The following NKIRAS1 variants were observed in gnomAD, a reference collection of about 807,000 sequenced individuals.
NKIRAS1 encodes the protein NF-kappa-B inhibitor-interacting Ras-like protein 1.
A neutral mutation model predicts 19.8 loss-of-function variants in NKIRAS1; 16 were observed. That is an observed-to-expected ratio of 0.81 (90% CI 0.55 to 1.23). NKIRAS1 has a LOEUF of 1.23. Ranked by LOEUF, NKIRAS1 falls within the 50% of genes most tolerant of loss-of-function variation. NKIRAS1 has a pLI of 0.00. For missense variants in NKIRAS1, 184 were observed against 220.0 expected (o/e 0.84, Z 1.04); for synonymous variants, 88 against 79.0 (o/e 1.11, Z -0.61).
chr3:23,937,953 T>G (rs1224905264), intron 1 of NKIRAS1, among the ~76,000 whole-genome samples: 2 of 152,146 alleles, frequency 1.3e-5, no homozygotes, highest in African/African-American at 4.8e-5. Context: ...TAGATATTAT[T>G]AAGACAATAA....
At chr3:23,901,138 G>T in intron 3 of NKIRAS1, 89 bp from the exon 4 acceptor site, 42 of 1,346,762 alleles carry the variant, frequency 3.1e-5, no homozygotes, top group Middle Eastern at 1.9e-4. Context: ...GGCTTTCTAG[G>T]TTTCTTATTT....
At chr3:23,935,100 G>A (rs1705370897) in intron 1 of NKIRAS1, among the ~76,000 whole-genome samples, 1 of 151,828 alleles carries the variant, frequency 6.6e-6, no homozygotes. Flanking sequence ...TGCCCAGGCT[G>A]GTCTCAAACT....
intron 1 of NKIRAS1, among the ~76,000 whole-genome samples, chr3:23,931,732 G>A (rs760267760): frequency 0.055 from 1,238 of 22,576 alleles, 13 homozygotes; most frequent in Middle Eastern, 0.19. Flanking sequence ...GAGAGAGAGA[G>A]AGAGAAAGAA....
intron 1 of NKIRAS1, among the ~76,000 whole-genome samples, chr3:23,915,013 G>A (rs1485703792): frequency 1.3e-5 from 2 of 152,204 alleles, no homozygotes; most frequent in African/African-American, 4.8e-5. Context: ...GAGGCACCAT[G>A]TTCTCTCACC....
At chr3:23,900,711 A>T in intron 4 of NKIRAS1, 97 bp downstream of exon 4, 1 of 879,614 alleles carries the variant, frequency 1.1e-6, no homozygotes, top group South Asian at 1.6e-5. Flanking sequence ...TACTAAGAAT[A>T]TACTGTAATG....
At chr3:23,940,423 G>C (rs578031936) in intron 1 of NKIRAS1, among the ~76,000 whole-genome samples, 3 of 151,830 alleles carry the variant, frequency 2.0e-5, no homozygotes, top group Non-Finnish European at 4.4e-5. Flanking sequence ...TGGTTGGGCT[G>C]TATTTAACTT....
chr3:23,943,240 T>G lies in NKIRAS1; in HGVS notation c.-140+3083A>C, dbSNP rs567369630. 1.6e-4 allele frequency among the ~76,000 whole-genome samples: 25 copies of G among 152,290 alleles called. No homozygotes were observed. The South Asian group carries it at 2.3e-3, about 14-fold the overall frequency. ...TACTGTCTCCAGTTTTGCCTTTTCT[T>G]CCTTTTTTTGAGACAGAGTTTTGCT... On this transcript the variant is annotated intron_variant, in intron 1 of 4. Coordinates refer to the NKIRAS1 transcript ENST00000421515.
At chr3:23,937,532 G>T in intron 1 of NKIRAS1, among the ~76,000 whole-genome samples, 1 of 150,756 alleles carries the variant, frequency 6.6e-6, no homozygotes, top group Non-Finnish European at 1.5e-5. Flanking sequence ...ATGCCCTGTT[G>T]TTAGGGCAAG....
At chr3:23,921,699 C>A, upstream of NKIRAS1, 1 of 657,294 alleles carries the variant, frequency 1.5e-6, no homozygotes, top group South Asian at 1.7e-5. Context: ...CTCGGCCTCC[C>A]AAATAGCCAG....
At chr3:23,946,247 T>C in intron 1 of NKIRAS1, 3 of 985,386 alleles carry the variant, frequency 3.0e-6, no homozygotes, top group Non-Finnish European at 3.6e-6. Flanking sequence ...CACGCTCTTT[T>C]CGCGAGGTGA....
chr3:23,943,156 T>C (rs1705539146), intron 1 of NKIRAS1, among the ~76,000 whole-genome samples: 1 of 152,226 alleles, frequency 6.6e-6, no homozygotes, highest in African/African-American at 2.4e-5. Context: ...GCCCTAAAAA[T>C]CCTCTGTGCT....
At chr3:23,938,199 A>T (rs1705430874) in intron 1 of NKIRAS1, among the ~76,000 whole-genome samples, 1 of 143,322 alleles carries the variant, frequency 7.0e-6, no homozygotes, top group South Asian at 2.2e-4. Context: ...CTCATTGAGA[A>T]GTACAGTACC....
chr3:23,908,530 G>A (rs1322239412), intron 3 of NKIRAS1, among the ~76,000 whole-genome samples: 2 of 151,952 alleles, frequency 1.3e-5, no homozygotes, highest in Non-Finnish European at 2.9e-5. Context: ...CTATTAAGCT[G>A]GACATCAGAA....
chr3:23,893,412 G>C (rs889751634), intron 4 of NKIRAS1, 75 bp from the exon 5 acceptor site: 54 of 1,364,816 alleles, frequency 4.0e-5, no homozygotes, highest in Admixed American at 6.5e-5. Context: ...GGAGACATAA[G>C]GAAAATTGTT....
chr3:23,946,130 C>G, intron 1 of NKIRAS1: 2 of 985,094 alleles, frequency 2.0e-6, no homozygotes, highest in Non-Finnish European at 2.4e-6. Flanking sequence ...TCCCTCCTCC[C>G]CCGCGGGGTT....
intron 4 of NKIRAS1, 41 bp downstream of exon 4, chr3:23,900,767 T>A: frequency 6.6e-7 from 1 of 1,515,094 alleles, no homozygotes; most frequent in East Asian, 2.3e-5. Flanking sequence ...ATTTAAATGG[T>A]ATTATAATTC....
chr3:23,942,968 C>T (rs867349317), intron 1 of NKIRAS1, among the ~76,000 whole-genome samples: 4 of 152,030 alleles, frequency 2.6e-5, no homozygotes, highest in Admixed American at 2.0e-4. Context: ...GGCTAGTCTC[C>T]GATTCTCCAA....
chr3:23,921,570 G>GTTGTTTTTTTTT, upstream of NKIRAS1: 13 of 508,318 alleles, frequency 2.6e-5, 3 homozygotes, highest in Admixed American at 1.3e-4. Flanking sequence ...TGATTATTGA[G>GTTGTTTTTTTTT]TTTTTTTTTT....
chr3:23,901,374 A>AGG (rs1491413102), intron 3 of NKIRAS1, among the ~76,000 whole-genome samples: 1 of 151,968 alleles, frequency 6.6e-6, no homozygotes, highest in Non-Finnish European at 1.5e-5. Flanking sequence ...TTGTAGAGAC[A>AGG]GGGTTTCACC....
Sources: gnomAD v4.1 joint callset for allele counts (sites outside exome capture counted in the v4.1 genomes callset) on GRCh38, gnomAD v4.1.1 for gene constraint, MANE v1.5 for transcripts, NCBI Gene and HGNC (gene_info 2026-07-23, HGNC 2026-07-21) for gene names.